The following ENOX1 variants were observed in gnomAD, a reference collection of about 807,000 sequenced individuals.
The protein encoded by ENOX1 is candidate growth-related and time keeping constitutive hydroquinone (NADH) oxidase.
A neutral mutation model predicts 82.5 loss-of-function variants in ENOX1; 42 were observed. That is an observed-to-expected ratio of 0.51 (90% CI 0.40 to 0.66). ENOX1 has a LOEUF of 0.66. Ranked by LOEUF, ENOX1 falls within the 30% of genes least tolerant of loss-of-function variation. ENOX1 has a pLI of 0.00. For synonymous variants in ENOX1, 271 were observed against 282.2 expected, an observed-to-expected ratio of 0.96 and a Z score of 0.40; for missense variants, 608 against 811.6, an observed-to-expected ratio of 0.75 and a Z score of 3.05.
chr13:43,507,030 A>C (rs1441454099), intron 2 of ENOX1, among the ~76,000 whole-genome samples: 1 of 151,912 alleles, frequency 6.6e-6, no homozygotes, highest in African/African-American at 2.4e-5. Context: ...ACAGAATAGA[A>C]CTTTTAAAAC....
At chr13:43,330,826 A>C (rs2048370581) in intron 9 of ENOX1, among the ~76,000 whole-genome samples, 1 of 152,174 alleles carries the variant, frequency 6.6e-6, no homozygotes, top group Admixed American at 6.5e-5. Context: ...GTATGTGTGG[A>C]GATACATACA....
At chr13:43,522,442 C>T (rs1209295716) in intron 2 of ENOX1, among the ~76,000 whole-genome samples, 1 of 152,066 alleles carries the variant, frequency 6.6e-6, no homozygotes, top group African/African-American at 2.4e-5. Flanking sequence ...AGAAATTTGT[C>T]CTCAAGCACA....
At chr13:43,434,229 G>A (rs2055859468) in intron 3 of ENOX1, among the ~76,000 whole-genome samples, 2 of 152,168 alleles carry the variant, frequency 1.3e-5, no homozygotes, top group Non-Finnish European at 2.9e-5. Flanking sequence ...AACAATAAGA[G>A]AATAATTTTT....
At chr13:43,757,282 T>C (rs1353034401) in intron 1 of ENOX1, among the ~76,000 whole-genome samples, 1 of 152,182 alleles carries the variant, frequency 6.6e-6, no homozygotes, top group Admixed American at 6.5e-5. Flanking sequence ...AATTTCCCCA[T>C]CCCTTGAACC....
chr13:43,657,358 T>C (rs2084489089), intron 2 of ENOX1, among the ~76,000 whole-genome samples: 1 of 152,202 alleles, frequency 6.6e-6, no homozygotes. Context: ...TGGCTCACTA[T>C]TGTGCAAAGA....
At chr13:43,465,623 C>A (rs1297299592) in intron 3 of ENOX1, among the ~76,000 whole-genome samples, 1 of 152,118 alleles carries the variant, frequency 6.6e-6, no homozygotes, top group Non-Finnish European at 1.5e-5. Context: ...TGCTCCCAGG[C>A]CCCCTCAGCA....
chr13:43,609,265 C>T (rs1202780589), intron 2 of ENOX1, among the ~76,000 whole-genome samples: 1 of 151,936 alleles, frequency 6.6e-6, no homozygotes, highest in East Asian at 1.9e-4. Flanking sequence ...CCTTTTACCC[C>T]TGCATAAGAT....
chr13:43,288,596 G>A (rs1455295620), intron 12 of ENOX1, among the ~76,000 whole-genome samples: 1 of 152,096 alleles, frequency 6.6e-6, no homozygotes, highest in East Asian at 1.9e-4. Context: ...GCCCTGTCCA[G>A]TGATACTGAA....
intron 1 of ENOX1, among the ~76,000 whole-genome samples, chr13:43,742,425 C>A (rs1197916814): frequency 6.6e-6 from 1 of 151,822 alleles, no homozygotes; most frequent in African/African-American, 2.4e-5. Flanking sequence ...GAGACAGAGA[C>A]AGAGAGAGAC....
Position 43,694,129 on chromosome 13 carries a change from G to C in ENOX1, c.-284-26585C>G, listed in dbSNP as rs529073107. Among the ~76,000 whole-genome samples, 20 of 151,378 alleles carry C rather than the reference G, an allele frequency of 1.3e-4. No individual in the cohort carries two copies. In the East Asian group the frequency reaches 3.9e-3, roughly 29 times the overall value. Reference sequence around the variant, plus strand: ...TGAGAAATAGAGCTGTTAATGTCAAGAAACATTTGAAAAATGCACCAAGCC... The same window carrying C: ...TGAGAAATAGAGCTGTTAATGTCAACAAACATTTGAAAAATGCACCAAGCC... On this transcript the variant is annotated intron_variant, in intron 1 of 16. Transcript: ENST00000690772.
intron 2 of ENOX1, among the ~76,000 whole-genome samples, chr13:43,666,286 A>G (rs2084974801): frequency 1.3e-5 from 2 of 152,170 alleles, no homozygotes; most frequent in Non-Finnish European, 2.9e-5. Context: ...CTGTACCCCT[A>G]TAGTGCTATT....
At chr13:43,673,291 G>A (rs960785427) in intron 1 of ENOX1, among the ~76,000 whole-genome samples, 8 of 151,886 alleles carry the variant, frequency 5.3e-5, no homozygotes, top group Admixed American at 4.6e-4. Flanking sequence ...ACAGATTGAT[G>A]GAGGACCCCT....
chr13:43,476,135 C>T (rs2058273602), intron 3 of ENOX1, among the ~76,000 whole-genome samples: 2 of 152,110 alleles, frequency 1.3e-5, no homozygotes, highest in African/African-American at 4.8e-5. Context: ...GTAACCTCTA[C>T]AAATATTACT....
intron 3 of ENOX1, chr13:43,458,574 T>C (rs1399472812): frequency 2.0e-5 from 3 of 152,192 alleles, no homozygotes; most frequent in African/African-American, 7.2e-5. Flanking sequence ...ATATTGATTA[T>C]ATTAAGAAAA....
At chr13:43,711,426 G>T (rs1479794312) in intron 1 of ENOX1, among the ~76,000 whole-genome samples, 1 of 152,074 alleles carries the variant, frequency 6.6e-6, no homozygotes, top group Non-Finnish European at 1.5e-5. Flanking sequence ...AATCCTTTGG[G>T]TATATACCCA....
chr13:43,507,414 A>G (rs1276676969), intron 2 of ENOX1, among the ~76,000 whole-genome samples: 2 of 152,034 alleles, frequency 1.3e-5, no homozygotes, highest in African/African-American at 2.4e-5. Flanking sequence ...CTAAAAACTG[A>G]GGAGGAAAAA....
intron 1 of ENOX1, among the ~76,000 whole-genome samples, chr13:43,690,625 G>A (rs1342577597): frequency 2.0e-5 from 3 of 152,156 alleles, no homozygotes; most frequent in Non-Finnish European, 2.9e-5. Context: ...AAAGAGACCA[G>A]CCAGTGGATA....
chr13:43,474,622 C>A (rs2058204978), intron 3 of ENOX1, among the ~76,000 whole-genome samples: 1 of 151,714 alleles, frequency 6.6e-6, no homozygotes, highest in Non-Finnish European at 1.5e-5. Flanking sequence ...GTTGCTGATT[C>A]CTCTCACTGG....
chr13:43,269,571 G>A lies in ENOX1; in HGVS notation c.1453C>T (p.Leu485=). Residue 485 remains leucine, a synonymous_variant, in exon 13 of 17, where the codon CTA becomes TTA. Coordinates refer to ENST00000690772, the MANE Select transcript of ENOX1 (RefSeq NM_001347969.2). ...QTMQGMQQQL[L]TIQEELNNKK... is the part of the protein sequence containing the mutation. ...TTGTTTAACTCCTCCTGGATGGTTA[G>A]CAATTGCTGTGAAATTAAAGGATAT... The A allele has an allele frequency of 6.2e-7, 1 of 1,613,090 alleles. No homozygotes were observed.
Sources: gnomAD v4.1 joint callset for allele counts (sites outside exome capture counted in the v4.1 genomes callset) on GRCh38, gnomAD v4.1.1 for gene constraint, MANE v1.5 for transcripts, NCBI Gene and HGNC (gene_info 2026-07-23, HGNC 2026-07-21) for gene names.